Variants in HMCN1 observed in about 807,000 individuals in gnomAD.
The protein encoded by HMCN1 is hemicentin 1.
Under a neutral mutation model 625.9 loss-of-function variants are expected in HMCN1, and 321 were observed. The ratio of observed to expected loss-of-function variants is 0.51; its 90% CI spans 0.47 to 0.56. The LOEUF (loss-of-function observed/expected upper bound fraction) is 0.56, where lower values mean the gene tolerates loss of function less well. Among genes scored for constraint, HMCN1 ranks in the 20% least tolerant of loss-of-function variants. HMCN1 has a pLI of 0.00. For missense variants in HMCN1, 6,588 were observed against 6,887.3 expected (o/e 0.96, Z 1.54); for synonymous variants, 2,425 against 2,417.6 (o/e 1.00, Z -0.09).
intron 4 of HMCN1, among the ~76,000 whole-genome samples, chr1:185,872,614 T>A (rs573515204): frequency 2.0e-5 from 3 of 151,868 alleles, no homozygotes; most frequent in Admixed American, 6.6e-5. Context: ...ATACCAAAAG[T>A]CAAGCAGAGC....
At position 186,130,594 on chromosome 1, in the gene HMCN1, A is replaced by AC; in HGVS notation, c.13131dup (p.Thr4378HisfsTer14). 1 of 1,613,462 alleles carries AC rather than the reference A, an allele frequency of 6.2e-7. No individual in the cohort carries two copies. ...ATCCTGAATTGTGAGGTGAAAGGAGACCCCACCCCAACCATCCAGTGGAAC... is the reference window on the plus strand; with the variant it reads ...ATCCTGAATTGTGAGGTGAAAGGAGACCCCCACCCCAACCATCCAGTGGAAC... On this transcript the variant is annotated frameshift_variant, in exon 85 of 107. Coordinates refer to ENST00000271588, the MANE Select transcript of HMCN1 (RefSeq NM_031935.3). LOFTEE classifies it high-confidence loss of function.
chr1:185,793,557 G>A (rs917855093), intron 1 of HMCN1, among the ~76,000 whole-genome samples: 1 of 152,128 alleles, frequency 6.6e-6, no homozygotes, highest in African/African-American at 2.4e-5. Context: ...TAGGTTCTAG[G>A]GGTTAGGATG....
Position 186,171,991 on chromosome 1 carries a change from T to C in HMCN1, c.15689-15T>C. On this transcript the variant is annotated splice_polypyrimidine_tract_variant and intron_variant, in intron 101 of 106. Coordinates refer to ENST00000271588, the MANE Select transcript of HMCN1 (RefSeq NM_031935.3). ...TAATTTTCTTAATCTACATTACCTT[T>C]GTTCTTTTATCAAGATGTGAACGAG... 1 of 1,612,272 alleles carries C rather than the reference T, an allele frequency of 6.2e-7. No individual in the cohort carries two copies. The highest frequency in any genetic ancestry group is 8.5e-7 in the Non-Finnish European group (1 of 1,178,614).
chr1:186,022,953 A>C (rs939537094), intron 35 of HMCN1, 77 bp from the exon 36 acceptor site: 3 of 1,398,558 alleles, frequency 2.1e-6, no homozygotes, highest in African/African-American at 1.4e-5. Context: ...ATTTAAATGA[A>C]TTTTTCTGTC....
intron 6 of HMCN1, among the ~76,000 whole-genome samples, chr1:185,918,067 C>T (rs1666812302): frequency 6.6e-6 from 1 of 152,108 alleles, no homozygotes; most frequent in South Asian, 2.1e-4. Flanking sequence ...AGGATATATA[C>T]ATATATGAAA....
rs73054432 is a variant in HMCN1, at chr1:185,865,149, G to A, written c.498+521G>A. On this transcript the variant is annotated intron_variant, in intron 3 of 106. Transcript: ENST00000271588. ...TTTGCTTATCTAAGCTTGACTGTCA[G>A]GAGACCTGGCTTTGCCTCATAGTTG... Among the ~76,000 whole-genome samples, 1,380 of 152,314 alleles carry A rather than the reference G, an allele frequency of 9.1e-3. 19 individuals are homozygous for A. Among genetic ancestry groups the A allele is most frequent in the African/African-American group, 0.032 (1,325 of 41,572 alleles).
intron 86 of HMCN1, among the ~76,000 whole-genome samples, chr1:186,135,604 A>G (rs1558249910): frequency 6.6e-6 from 1 of 152,138 alleles, no homozygotes; most frequent in Non-Finnish European, 1.5e-5. Flanking sequence ...CTTACTCCCT[A>G]TCCACAAATC....
rs186164124 is a variant in HMCN1 at position 185,946,382 on chromosome 1, G to A, written c.1828+12558G>A. 6.6e-5 allele frequency among the ~76,000 whole-genome samples: 10 copies of A among 152,146 alleles called. No individual in the cohort carries two copies. In the East Asian group the frequency reaches 1.9e-3, roughly 29 times the overall value. On this transcript the variant is annotated intron_variant, in intron 11 of 106. Coordinates refer to ENST00000271588, the MANE Select transcript of HMCN1 (RefSeq NM_031935.3). ...AGGCAAAATATGTTGCTGTTATTCA[G>A]TCTGTATTAGGAGACACATGTACAT...
At chr1:185,854,352 C>A (rs1446884524) in intron 2 of HMCN1, among the ~76,000 whole-genome samples, 1 of 152,080 alleles carries the variant, frequency 6.6e-6, no homozygotes, top group Non-Finnish European at 1.5e-5. Flanking sequence ...TTTTGAATAT[C>A]ACTTGTCCAG....
intron 18 of HMCN1, among the ~76,000 whole-genome samples, chr1:185,983,184 T>A (rs74134257): frequency 0.031 from 4,684 of 152,224 alleles, 250 homozygotes; most frequent in African/African-American, 0.11. Context: ...ATTTTTTTTA[T>A]GAAAGGATGT....
chr1:186,086,086 T>C lies in HMCN1; in HGVS notation c.8885-160T>C, dbSNP rs567116588. On this transcript the variant is annotated intron_variant, in intron 57 of 106. Transcript: ENST00000271588. Reference sequence around the variant, plus strand: ...GGGAAAAATAAACTCCAACGTGAGTTTGATGAAGGCATTAGGGAATTGTAA... The same window carrying C: ...GGGAAAAATAAACTCCAACGTGAGTCTGATGAAGGCATTAGGGAATTGTAA... 3.6e-4 allele frequency among the ~76,000 whole-genome samples: 55 copies of C among 152,272 alleles called. No individual in the cohort carries two copies. The South Asian group carries it at 0.011, about 30-fold the overall frequency.
At chr1:186,118,693 A>T (rs993287179) in intron 77 of HMCN1, among the ~76,000 whole-genome samples, 4 of 152,250 alleles carry the variant, frequency 2.6e-5, no homozygotes, top group African/African-American at 4.8e-5. Flanking sequence ...AAATATTGAC[A>T]AATGCTACAG....
intron 2 of HMCN1, among the ~76,000 whole-genome samples, chr1:185,858,903 A>T (rs946489982): frequency 1.4e-4 from 21 of 152,026 alleles, no homozygotes; most frequent in Non-Finnish European, 2.5e-4. Flanking sequence ...TATAAAAATG[A>T]ACAATTTTAG....
At chr1:186,130,855 T>G (rs1489982037) in intron 85 of HMCN1, among the ~76,000 whole-genome samples, 158 bp downstream of exon 85, 4 of 152,166 alleles carry the variant, frequency 2.6e-5, no homozygotes, top group Non-Finnish European at 5.9e-5. Flanking sequence ...AGGATTGAAA[T>G]AGATATTTTA....
At chr1:186,083,115 T>G (rs1409146296) in intron 57 of HMCN1, among the ~76,000 whole-genome samples, 154 bp downstream of exon 57, 1 of 152,160 alleles carries the variant, frequency 6.6e-6, no homozygotes, top group Admixed American at 6.6e-5. Context: ...CTTTCCACGA[T>G]GGCTAGTAGG....
Position 186,189,751 on chromosome 1 carries a change from C to T in HMCN1, c.16781C>T (p.Thr5594Ile). ...DENLKGVVYT[T>I]RPLREAETYR... ...AACCTGAAAGGAGTGGTGTATACAA[C>T]ACGACCACTACGAGAAGCAGAGACC... Residue 5594 changes from threonine to isoleucine, a missense_variant, in exon 107 of 107, where the codon ACA becomes ATA. Around this residue, in one of 3 missense-constraint regions of HMCN1, gnomAD observed 1,954 missense variants for 2,013.1 expected, o/e 0.97. Transcript: ENST00000271588. 1 of 1,613,688 alleles carries T rather than the reference C, an allele frequency of 6.2e-7. No individual in the cohort carries two copies. Among genetic ancestry groups the T allele is most frequent in the Non-Finnish European group, 8.5e-7 (1 of 1,179,826 alleles).
At chr1:186,086,212 C>A (rs1659463879) in intron 57 of HMCN1, 34 bp from the exon 58 acceptor site, 1 of 1,573,508 alleles carries the variant, frequency 6.4e-7, no homozygotes, top group Non-Finnish European at 8.7e-7. Context: ...GTTGATAACA[C>A]CTGCTTTCAC....
chr1:186,133,853 A>G (rs1265987269), intron 86 of HMCN1, among the ~76,000 whole-genome samples: 1 of 152,056 alleles, frequency 6.6e-6, no homozygotes, highest in African/African-American at 2.4e-5. Flanking sequence ...TATTAAATAT[A>G]TAAAGAACAG....
chr1:186,052,121 G>T (rs1656993608), intron 42 of HMCN1, among the ~76,000 whole-genome samples: 1 of 151,898 alleles, frequency 6.6e-6, no homozygotes, highest in Admixed American at 6.6e-5. Context: ...AAGGAAGAAT[G>T]ACAGGTTTAC....
Sources: allele counts gnomAD v4.1 joint callset (sites outside exome capture counted in the v4.1 genomes callset), GRCh38; gene constraint gnomAD v4.1.1; regional missense constraint gnomAD v4.1.1; transcripts MANE v1.5; gene names NCBI Gene and HGNC (gene_info 2026-07-23, HGNC 2026-07-21).